Variants in SPOCK2 observed in about 807,000 individuals in gnomAD.
The protein encoded by SPOCK2 is SPARC (osteonectin), cwcv and kazal like domains proteoglycan 2.
In SPOCK2, 39 loss-of-function variants were observed where a neutral mutation model predicts 60.1. The ratio of observed to expected loss-of-function variants is 0.65; its 90% CI spans 0.50 to 0.85. The LOEUF is 0.85. Ranked by LOEUF, SPOCK2 falls within the 40% of genes least tolerant of loss-of-function variation. The pLI, the probability that SPOCK2 is intolerant of heterozygous loss-of-function variation, is 0.00. For synonymous variants in SPOCK2, 217 were observed against 231.5 expected (o/e 0.94, Z 0.57); for missense variants, 523 against 567.4 (o/e 0.92, Z 0.80).
chr10:72,075,656 C>A (rs1369264505), intron 1 of SPOCK2, among the ~76,000 whole-genome samples: 1 of 152,228 alleles, frequency 6.6e-6, no homozygotes, highest in Non-Finnish European at 1.5e-5. Flanking sequence ...TCCACCATCC[C>A]CCACTCCCTT....
In SPOCK2 at chr10:72,087,941, AGGGCCGCCGGCCC is replaced by A. The variant is rs1840884791; in HGVS notation, c.189+186_189+198del. ...GGGGGTCCCGGGGCTGGGGGGTCCC[AGGGCCGCCGGCCC>A]GGGCCGCAGGGACAGGGGAGGGGCG... On this transcript the variant is annotated intron_variant, in intron 1 of 10. Coordinates refer to ENST00000373109, the MANE Select transcript of SPOCK2 (RefSeq NM_001244950.2). The surrounding 1 kb of genome is among the most constrained non-coding windows in gnomAD (Gnocchi z 4.7). Among the ~76,000 whole-genome samples the A allele has an allele frequency of 6.6e-6, 1 of 151,632 alleles. No individual in the cohort carries two copies. The highest frequency in any genetic ancestry group is 2.1e-4 in the South Asian group (1 of 4,800).
chr10:72,080,376 G>A (rs1456912952), intron 1 of SPOCK2, among the ~76,000 whole-genome samples: 1 of 152,206 alleles, frequency 6.6e-6, no homozygotes, highest in Non-Finnish European at 1.5e-5. Context: ...AGGCAACGGG[G>A]CCTGTGATGG....
chr10:72,060,277 G>A lies in SPOCK2; in HGVS notation c.*2483C>T, dbSNP rs990021416. Reference sequence around the variant, plus strand: ...GGCAGTGTGGGGGCTTCGGAAACAGGCAAGGCTGGACCCCTGCAATCCTAC... The same window carrying A: ...GGCAGTGTGGGGGCTTCGGAAACAGACAAGGCTGGACCCCTGCAATCCTAC... On this transcript the variant is annotated 3_prime_UTR_variant, in exon 11 of 11. Coordinates refer to ENST00000373109, the MANE Select transcript of SPOCK2 (RefSeq NM_001244950.2). The A allele has an allele frequency of 3.3e-5, 5 of 152,522 alleles. No homozygotes were observed. Among genetic ancestry groups the A allele is most frequent in the African/African-American group, 1.2e-4 (5 of 41,456 alleles). 9.4% of individuals were successfully genotyped at this position (152,522 alleles called of 1,614,324 possible). A position where few individuals can be genotyped will look rare whatever the true frequency, so the allele number is the denominator to read the frequency against.
chr10:72,070,931 A>C (rs1840639141), intron 4 of SPOCK2, among the ~76,000 whole-genome samples: 1 of 152,100 alleles, frequency 6.6e-6, no homozygotes, highest in African/African-American at 2.4e-5. Context: ...ATTCCTACAT[A>C]GCTGTAATAG....
chr10:72,064,236 G>T lies in SPOCK2; in HGVS notation c.933C>A (p.Pro311=). The T allele has an allele frequency of 1.3e-6, 2 of 1,595,774 alleles. No homozygotes were observed. Among genetic ancestry groups the T allele is most frequent in the Non-Finnish European group, 1.7e-6 (2 of 1,173,578 alleles). Residue 311 remains proline, a synonymous_variant, in exon 9 of 11, where the codon CCC becomes CCA. Transcript: ENST00000373109. ...TGCGCTCCAGCTCTGCCAGGCAGGG[G>T]GGCTCTGTGGGGAGAGAAGCAGCCT... ...EWCFCFWREK[P]PCLAELERIQ...
rs373943882 is a variant in SPOCK2, at chr10:72,063,004, C to T, written c.1129+21G>A. 78 of 1,564,834 alleles carry T rather than the reference C, an allele frequency of 5.0e-5. No individual in the cohort carries two copies. In the African/African-American group the frequency reaches 1.0e-3, roughly 20 times the overall value. Reference sequence around the variant, plus strand: ...CCCCAGGCCTGGGCCCCCAGCAGGCCCTGAGCTGCCCAGCCCGTACCGCAG... The same window carrying T: ...CCCCAGGCCTGGGCCCCCAGCAGGCTCTGAGCTGCCCAGCCCGTACCGCAG... On this transcript the variant is annotated intron_variant, in intron 10 of 10. Transcript: ENST00000373109.
At chr10:72,085,088 A>G (rs1432525951) in intron 1 of SPOCK2, among the ~76,000 whole-genome samples, 1 of 152,204 alleles carries the variant, frequency 6.6e-6, no homozygotes, top group Non-Finnish European at 1.5e-5. Flanking sequence ...GTCTCCTCCA[A>G]GTGTCCATCC....
intron 1 of SPOCK2, among the ~76,000 whole-genome samples, chr10:72,082,416 G>T (rs1840797990): frequency 6.6e-6 from 1 of 152,230 alleles, no homozygotes; most frequent in Non-Finnish European, 1.5e-5. Context: ...CGGGGTTGTG[G>T]ACTGCATATC....
intron 9 of SPOCK2, among the ~76,000 whole-genome samples, chr10:72,063,527 C>A (rs935666485): frequency 6.6e-6 from 1 of 152,196 alleles, no homozygotes; most frequent in African/African-American, 2.4e-5. Flanking sequence ...GCCTGGCTGT[C>A]CCCTGCTAGG....
Position 72,088,369 on chromosome 10 carries a change from G to C in SPOCK2, c.-41C>G. 6.8e-7 allele frequency: 1 copy of C among 1,481,442 alleles called. No homozygotes were observed. The highest frequency in any genetic ancestry group is 9.0e-7 in the Non-Finnish European group (1 of 1,117,242). The allele number at this position is 1,481,442 out of a possible 1,614,324, so 91.8% of individuals were successfully genotyped here. On this transcript the variant is annotated 5_prime_UTR_variant, in exon 1 of 11. Transcript: ENST00000373109. The stretch of plus-strand genomic sequence containing the variant: ...ACCTGGGGGGGTCTTGACTTCTGCA[G>C]TATTTTAATGTCCTTCCTCCCACCC...
rs757809800 is a variant in SPOCK2, at chr10:72,072,670, G to T, written c.199-122C>A. 4.8e-6 allele frequency: 7 copies of T among 1,469,972 alleles called. 1 individual carries two copies. The South Asian group carries it at 8.3e-5, about 17-fold the overall frequency. 91.1% of individuals were successfully genotyped at this position (1,469,972 alleles called of 1,614,324 possible). On this transcript the variant is annotated intron_variant, in intron 2 of 10. Coordinates refer to ENST00000373109, the MANE Select transcript of SPOCK2 (RefSeq NM_001244950.2). ...TCATGTGCCAATGGCCGTCATCCTG[G>T]TGGCTGACCCCTGTCCACCCAGGCC...
At position 72,067,625 on chromosome 10, in the gene SPOCK2, CG is replaced by C; in HGVS notation, c.696del (p.Gly233AlafsTer133). 1 of 1,613,016 alleles carries C rather than the reference CG, an allele frequency of 6.2e-7. No homozygotes were observed. The highest frequency in any genetic ancestry group is 8.5e-7 in the Non-Finnish European group (1 of 1,179,996). On this transcript the variant is annotated frameshift_variant, in exon 7 of 11. Transcript: ENST00000373109. LOFTEE classifies it high-confidence loss of function. ...GCAAGCTTCCTACCGCTGGCCGGGC[CG>C]GCTACACTGCTGGCTGAGCCATTCT... is the stretch of plus-strand genomic sequence containing the variant. ...SKQNGSASSV[A>X]GPASGLDKSL...
At chr10:72,063,588 G>A (rs1025347720) in intron 9 of SPOCK2, among the ~76,000 whole-genome samples, 2 of 152,230 alleles carry the variant, frequency 1.3e-5, no homozygotes, top group Non-Finnish European at 2.9e-5. Context: ...TGCCTCCGGG[G>A]CCCACTTGCT....
chr10:72,082,392 G>A lies in SPOCK2; in HGVS notation c.189+5748C>T, dbSNP rs553376146. On this transcript the variant is annotated intron_variant, in intron 1 of 10. Transcript: ENST00000373109. ...AGAAGACCCACATTGCTCCTGCAAG[G>A]AGACGCGCAGAGACGGGGTTGTGGA... 2.0e-5 allele frequency among the ~76,000 whole-genome samples: 3 copies of A among 152,352 alleles called. No individual in the cohort carries two copies. In the East Asian group the frequency reaches 5.8e-4, roughly 29 times the overall value.
At chr10:72,063,213 C>G in intron 9 of SPOCK2, 51 bp from the exon 10 acceptor site, 1 of 1,548,222 alleles carries the variant, frequency 6.5e-7, no homozygotes, top group Non-Finnish European at 8.7e-7. Flanking sequence ...AGGCTGTGGG[C>G]CCCTCAGAGA....
At position 72,088,520 on chromosome 10, in the gene SPOCK2, C is replaced by T. The variant is rs1290179072; in HGVS notation, c.-192G>A. 2 of 616,470 alleles carry T rather than the reference C, an allele frequency of 3.2e-6. No individual in the cohort carries two copies. Among genetic ancestry groups the T allele is most frequent in the Non-Finnish European group, 5.4e-6 (2 of 370,256 alleles). The allele number at this position is 616,470 out of a possible 1,614,324, so 38.2% of individuals were successfully genotyped here. A position where few individuals can be genotyped will look rare whatever the true frequency, so the allele number is the denominator to read the frequency against. On this transcript the variant is annotated 5_prime_UTR_variant, in exon 1 of 11. Coordinates refer to ENST00000373109, the MANE Select transcript of SPOCK2 (RefSeq NM_001244950.2). ...AGGAGATGCACTTGTCTGAAAAAGC[C>T]CAGCACTGGACGCGGAGAGGGAGAG... is the stretch of plus-strand genomic sequence containing the variant.
intron 6 of SPOCK2, 53 bp downstream of exon 6, chr10:72,068,134 G>A: frequency 6.4e-7 from 1 of 1,553,064 alleles, no homozygotes; most frequent in Non-Finnish European, 8.8e-7. Flanking sequence ...CCTGAAGGAG[G>A]TGCCAGGTGG....
intron 8 of SPOCK2, among the ~76,000 whole-genome samples, 183 bp from the exon 9 acceptor site, chr10:72,064,423 C>G (rs2242251): frequency 0.63 from 96,478 of 152,080 alleles, 32,242 homozygotes; most frequent in African/African-American, 0.87. Flanking sequence ...AAAACGCTCA[C>G]TCTCTATTTA....
intron 5 of SPOCK2, chr10:72,068,766 C>G (rs1045420827): frequency 1.2e-5 from 2 of 164,120 alleles, no homozygotes; most frequent in African/African-American, 4.8e-5. Context: ...TGATAGGACA[C>G]AGCACCGCCT....
Sources: gnomAD v4.1 joint callset for allele counts (sites outside exome capture counted in the v4.1 genomes callset) on GRCh38, gnomAD v4.1.1 for gene constraint, Gnocchi (gnomAD v3.1) non-coding constraint, MANE v1.5 for transcripts, NCBI Gene and HGNC (gene_info 2026-07-23, HGNC 2026-07-21) for gene names.